Variants in HAPLN1 observed in about 807,000 individuals in gnomAD.
HAPLN1 encodes the protein Cartilage link protein.
Under a neutral mutation model 36.5 loss-of-function variants are expected in HAPLN1, and 13 were observed. The ratio of observed to expected loss-of-function variants is 0.36; its 90% confidence interval spans 0.23 to 0.57. HAPLN1 has a LOEUF of 0.57. HAPLN1 is among the 20% of genes least tolerant of loss of function. HAPLN1 has a pLI of 0.83. For synonymous variants in HAPLN1, 202 were observed against 169.8 expected (o/e 1.19, Z -1.48); for missense variants, 407 against 439.7 (o/e 0.93, Z 0.66).
chr5:83,682,043 A>C (rs936125330), intron 1 of HAPLN1, among the ~76,000 whole-genome samples: 3 of 152,200 alleles, frequency 2.0e-5, no homozygotes, highest in African/African-American at 7.2e-5. Flanking sequence ...AACTAAATGC[A>C]TTTGAAATTG....
intron 1 of HAPLN1, among the ~76,000 whole-genome samples, chr5:83,679,513 C>G (rs10064917): frequency 0.29 from 43,400 of 151,994 alleles, 6,704 homozygotes; most frequent in East Asian, 0.41. Flanking sequence ...CATTCATCAC[C>G]TCCAAATCTT....
intron 1 of HAPLN1, among the ~76,000 whole-genome samples, chr5:83,688,116 G>C (rs1002562215): frequency 6.6e-6 from 1 of 152,258 alleles, no homozygotes; most frequent in South Asian, 2.1e-4. Flanking sequence ...TTTCTGGTCA[G>C]ACCCAAGTGT....
chr5:83,711,018 A>G (rs1043071618), intron 1 of HAPLN1, among the ~76,000 whole-genome samples: 6 of 152,172 alleles, frequency 3.9e-5, no homozygotes, highest in Non-Finnish European at 7.4e-5. Context: ...AATAGATCTA[A>G]TAAATAGAGA....
chr5:83,705,075 T>C (rs1310536788), intron 1 of HAPLN1, among the ~76,000 whole-genome samples: 2 of 151,898 alleles, frequency 1.3e-5, no homozygotes, highest in South Asian at 2.1e-4. Flanking sequence ...GATATTGCAA[T>C]AAATAAAGAA....
At chr5:83,705,485 A>G (rs1231880685) in intron 1 of HAPLN1, among the ~76,000 whole-genome samples, 2 of 152,140 alleles carry the variant, frequency 1.3e-5, no homozygotes, top group African/African-American at 2.4e-5. Flanking sequence ...CTTTTGGGTA[A>G]ATAATGCATA....
chr5:83,675,634 G>C (rs188149279), intron 1 of HAPLN1, among the ~76,000 whole-genome samples: 95 of 152,044 alleles, frequency 6.2e-4, no homozygotes, highest in Middle Eastern at 3.4e-3. Flanking sequence ...TACTACTAAG[G>C]GTTCATTCCA....
chr5:83,693,021 A>G (rs948308003), intron 1 of HAPLN1, among the ~76,000 whole-genome samples: 4 of 151,924 alleles, frequency 2.6e-5, no homozygotes, highest in Non-Finnish European at 5.9e-5. Context: ...TTTCCTCTGC[A>G]CACATACCTA....
At chr5:83,712,202 C>T (rs1751801834) in intron 1 of HAPLN1, among the ~76,000 whole-genome samples, 1 of 152,068 alleles carries the variant, frequency 6.6e-6, no homozygotes, top group Non-Finnish European at 1.5e-5. Flanking sequence ...GCAGCACAAG[C>T]ACAATATAAC....
At chr5:83,654,282 A>C (rs1487573044) in intron 2 of HAPLN1, among the ~76,000 whole-genome samples, 1 of 152,246 alleles carries the variant, frequency 6.6e-6, no homozygotes, top group Non-Finnish European at 1.5e-5. Context: ...TGAATAGATA[A>C]TGAAATGCGA....
chr5:83,655,300 G>A (rs533503112), intron 2 of HAPLN1, among the ~76,000 whole-genome samples: 1 of 152,254 alleles, frequency 6.6e-6, no homozygotes, highest in South Asian at 2.1e-4. Context: ...ATTTTTTTCT[G>A]TGGTTAACTG....
chr5:83,664,389 T>C (rs555056320), intron 2 of HAPLN1, among the ~76,000 whole-genome samples: 1 of 152,202 alleles, frequency 6.6e-6, no homozygotes, highest in African/African-American at 2.4e-5. Flanking sequence ...TTAAAAACAT[T>C]TGTTTTTTTT....
At chr5:83,665,259 T>C (rs970442410) in intron 2 of HAPLN1, among the ~76,000 whole-genome samples, 5 of 152,208 alleles carry the variant, frequency 3.3e-5, no homozygotes, top group African/African-American at 1.2e-4. Context: ...TAGATAATCG[T>C]GAAATCATTC....
At chr5:83,642,585 A>G (rs1055579646) in intron 4 of HAPLN1, among the ~76,000 whole-genome samples, 5 of 152,212 alleles carry the variant, frequency 3.3e-5, no homozygotes, top group Non-Finnish European at 5.9e-5. Flanking sequence ...ACTGAAAGTG[A>G]TAAATACACA....
Position 83,638,177 on chromosome 5 carries a change from C to T in HAPLN1, c.*3319G>A, listed in dbSNP as rs1749570119. The T allele has an allele frequency of 6.6e-6, 1 of 151,880 alleles. No individual in the cohort carries two copies. The highest frequency in any genetic ancestry group is 1.5e-5 in the Non-Finnish European group (1 of 67,888). 9.4% of individuals were successfully genotyped at this position (151,880 alleles called of 1,614,324 possible). On this transcript the variant is annotated 3_prime_UTR_variant, in exon 5 of 5. Coordinates refer to ENST00000274341, the MANE Select transcript of HAPLN1 (RefSeq NM_001884.4). ...AAGAAAAATAGCTAAGATTCTACAA[C>T]TCAGAAGAATTAAAAGATACTGCAG...
chr5:83,650,726 C>T (rs1423200123), intron 3 of HAPLN1, among the ~76,000 whole-genome samples: 1 of 148,138 alleles, frequency 6.8e-6, no homozygotes, highest in Non-Finnish European at 1.5e-5. Flanking sequence ...GCTCTGCCTC[C>T]TGGGTTCACG....
chr5:83,695,104 T>C (rs1372967893), intron 1 of HAPLN1, among the ~76,000 whole-genome samples: 1 of 152,200 alleles, frequency 6.6e-6, no homozygotes, highest in African/African-American at 2.4e-5. Flanking sequence ...GTTTTCTTTA[T>C]ATTAGAAAAT....
At chr5:83,720,569 T>C (rs1410370057) in intron 1 of HAPLN1, among the ~76,000 whole-genome samples, 1 of 152,224 alleles carries the variant, frequency 6.6e-6, no homozygotes, top group Non-Finnish European at 1.5e-5. Context: ...CTTTCTCCAT[T>C]TTTAGACTGA....
In HAPLN1 at chr5:83,668,107, C is replaced by T. The variant is rs151003796; in HGVS notation, c.100+5317G>A. On this transcript the variant is annotated intron_variant, in intron 2 of 4. Transcript: ENST00000274341. The stretch of plus-strand genomic sequence containing the variant: ...TTATTTAGCAAACATGTATTGATCA[C>T]CTACTATGTGCCAGTTGTTGGGTTT... Among the ~76,000 whole-genome samples the T allele has an allele frequency of 1.4e-3, 208 of 152,296 alleles. 1 individual carries two copies. Among genetic ancestry groups the T allele is most frequent in the African/African-American group, 4.8e-3 (200 of 41,558 alleles).
intron 2 of HAPLN1, among the ~76,000 whole-genome samples, chr5:83,669,828 AG>A (rs1268803221): frequency 6.6e-6 from 1 of 152,210 alleles, no homozygotes; most frequent in Non-Finnish European, 1.5e-5. Context: ...ATTCTCACAA[AG>A]CTCTATTGAA....
Sources: allele counts gnomAD v4.1 joint callset (sites outside exome capture counted in the v4.1 genomes callset), GRCh38; gene constraint gnomAD v4.1.1; transcripts MANE v1.5; gene names NCBI Gene and HGNC (gene_info 2026-07-23, HGNC 2026-07-21).